NR2F1-AS1: variants seen among roughly 807,000 people sequenced by gnomAD.
NR2F1-AS1 encodes the protein NR2F1 antisense RNA 1.
chr5:93,437,313 AT>A (rs1029648240), intron 4 of NR2F1-AS1, among the ~76,000 whole-genome samples: 1 of 152,202 alleles, frequency 6.6e-6, no homozygotes, highest in African/African-American at 2.4e-5. Flanking sequence ...AAAATGTAAA[AT>A]ATCTCACTAA....
chr5:93,437,868 T>C (rs571034148), intron 4 of NR2F1-AS1, among the ~76,000 whole-genome samples: 1 of 152,330 alleles, frequency 6.6e-6, no homozygotes, highest in Admixed American at 6.5e-5. Context: ...TATTATCTAC[T>C]GAATACCTTT....
upstream of NR2F1-AS1, chr5:93,583,117 T>C (rs947508805): frequency 1.3e-5 from 2 of 152,348 alleles, no homozygotes; most frequent in East Asian, 1.9e-4. Context: ...TCTTGGCTCC[T>C]TGACACGAGC....
upstream of NR2F1-AS1, chr5:93,583,173 G>C (rs1052012496): frequency 2.0e-5 from 3 of 152,166 alleles, no homozygotes; most frequent in Non-Finnish European, 4.4e-5. Context: ...AGTTTCAATA[G>C]TAGTGTCAAA....
chr5:93,433,191 T>C (rs1361721495), intron 4 of NR2F1-AS1, among the ~76,000 whole-genome samples: 1 of 152,204 alleles, frequency 6.6e-6, no homozygotes, highest in Non-Finnish European at 1.5e-5. Flanking sequence ...GATATAAAGT[T>C]TTAGTATTTC....
intron 4 of NR2F1-AS1, among the ~76,000 whole-genome samples, chr5:93,463,926 C>G (rs781604646): frequency 6.6e-6 from 1 of 152,104 alleles, no homozygotes; most frequent in Non-Finnish European, 1.5e-5. Flanking sequence ...CTTGCCTTGT[C>G]TCAGATGAGA....
chr5:93,535,945 T>A (rs1307760555), intron 4 of NR2F1-AS1, among the ~76,000 whole-genome samples: 2 of 152,124 alleles, frequency 1.3e-5, no homozygotes, highest in African/African-American at 4.8e-5. Context: ...CTGAAAGTTC[T>A]AAGTAGAGCA....
chr5:93,521,769 T>C (rs1465027061), intron 4 of NR2F1-AS1, among the ~76,000 whole-genome samples: 1 of 152,158 alleles, frequency 6.6e-6, no homozygotes, highest in Non-Finnish European at 1.5e-5. Context: ...TTGGTGGAAA[T>C]GTAAATTAGT....
At chr5:93,556,306 A>G (rs1752353674) in intron 2 of NR2F1-AS1, among the ~76,000 whole-genome samples, 2 of 152,212 alleles carry the variant, frequency 1.3e-5, no homozygotes, top group Non-Finnish European at 2.9e-5. Context: ...TTATATAAGA[A>G]CAGACTAGTG....
intron 4 of NR2F1-AS1, among the ~76,000 whole-genome samples, chr5:93,429,631 T>A (rs952433757): frequency 1.3e-5 from 2 of 152,340 alleles, no homozygotes; most frequent in Middle Eastern, 3.4e-3. Context: ...GATATCTTAA[T>A]CAGTGGCTAT....
intron 4 of NR2F1-AS1, among the ~76,000 whole-genome samples, chr5:93,528,376 C>T (rs1037745999): frequency 4.6e-5 from 7 of 152,272 alleles, no homozygotes; most frequent in Admixed American, 2.6e-4. Context: ...GTTAGAATGG[C>T]AGTCATTAAA....
chr5:93,537,547 T>C (rs952374926), intron 4 of NR2F1-AS1, among the ~76,000 whole-genome samples: 1 of 152,096 alleles, frequency 6.6e-6, no homozygotes, highest in Non-Finnish European at 1.5e-5. Flanking sequence ...AATAGGTATA[T>C]GAAAAAATGC....
intron 4 of NR2F1-AS1, among the ~76,000 whole-genome samples, chr5:93,540,719 AT>A (rs762906253): frequency 6.6e-6 from 1 of 152,146 alleles, no homozygotes; most frequent in African/African-American, 2.4e-5. Flanking sequence ...ATAAAGAAGA[AT>A]TTTTCCCTTC....
chr5:93,424,062 C>G (rs1380767032), intron 4 of NR2F1-AS1, among the ~76,000 whole-genome samples: 1 of 152,124 alleles, frequency 6.6e-6, no homozygotes, highest in Non-Finnish European at 1.5e-5. Context: ...ATGTGAACCC[C>G]TCACTATTGC....
At chr5:93,582,084 C>T (rs1319652255), upstream of NR2F1-AS1, among the ~76,000 whole-genome samples, 1 of 144,828 alleles carries the variant, frequency 6.9e-6, no homozygotes, top group Non-Finnish European at 1.5e-5. Context: ...CTGTCTCTCT[C>T]TCTCCTCCTC....
chr5:93,505,074 G>A (rs1242695313), intron 4 of NR2F1-AS1, among the ~76,000 whole-genome samples: 1 of 152,142 alleles, frequency 6.6e-6, no homozygotes. Flanking sequence ...TACAATGGGG[G>A]TACAGGTATT....
chr5:93,519,897 C>T (rs572013905), intron 4 of NR2F1-AS1, among the ~76,000 whole-genome samples: 3 of 152,108 alleles, frequency 2.0e-5, no homozygotes, highest in South Asian at 2.1e-4. Context: ...TAGAATATTA[C>T]TCATCTATGA....
chr5:93,420,704 T>C (rs1165420391), intron 4 of NR2F1-AS1, among the ~76,000 whole-genome samples: 3 of 152,300 alleles, frequency 2.0e-5, no homozygotes, highest in East Asian at 3.9e-4. Flanking sequence ...TGGCCACCTC[T>C]TACTGAGACA....
At chr5:93,420,249 G>C (rs149983533) in intron 4 of NR2F1-AS1, among the ~76,000 whole-genome samples, 55 of 152,270 alleles carry the variant, frequency 3.6e-4, no homozygotes, top group African/African-American at 1.1e-3. Flanking sequence ...GCAAAAGCTG[G>C]GATGAGCCCC....
chr5:93,467,126 T>C lies in NR2F1-AS1; in HGVS notation n.639-71584A>G, dbSNP rs190315916. On this transcript the variant is annotated intron_variant and non_coding_transcript_variant, in intron 4 of 5. Transcript: ENST00000660523. ...CACATTGGCCAGGCTGGTCTTGAAC[T>C]CTTGACCTCAAGTGATCCATCCGCC... Among the ~76,000 whole-genome samples, 3 of 152,322 alleles carry C rather than the reference T, an allele frequency of 2.0e-5. No homozygotes were observed. In the East Asian group the frequency reaches 5.8e-4, roughly 29 times the overall value.
Sources: gnomAD v4.1 joint callset for allele counts (sites outside exome capture counted in the v4.1 genomes callset) on GRCh38, gnomAD v4.1.1 for gene constraint, MANE v1.5 for transcripts, NCBI Gene and HGNC (gene_info 2026-07-23, HGNC 2026-07-21) for gene names.